The following KATNIP variants were observed in gnomAD, a reference collection of about 807,000 sequenced individuals.
KATNIP encodes the protein katanin-interacting protein.
A neutral mutation model predicts 174.0 loss-of-function variants in KATNIP; 126 were observed. The observed-to-expected ratio is 0.72, with a 90% CI of 0.63 to 0.84. The LOEUF is 0.84. KATNIP is among the 40% of genes least tolerant of loss of function. The pLI, the probability that KATNIP is intolerant of heterozygous loss-of-function variation, is 0.00. For missense variants in KATNIP, 1,958 were observed against 2,109.7 expected (o/e 0.93, Z 1.41); for synonymous variants, 810 against 835.7 (o/e 0.97, Z 0.53).
chr16:27,769,812 C>T (rs769098583), intron 20 of KATNIP, 49 bp from the exon 21 acceptor site: 35 of 1,598,626 alleles, frequency 2.2e-5, no homozygotes, highest in South Asian at 1.5e-4. Context: ...CGCTTCTGTC[C>T]CCACATGGCC....
At chr16:27,672,695 C>A (rs1252571784) in intron 6 of KATNIP, among the ~76,000 whole-genome samples, 1 of 152,188 alleles carries the variant, frequency 6.6e-6, no homozygotes, top group East Asian at 1.9e-4. Flanking sequence ...GCAGAAGTCA[C>A]AGCTATGCCA....
chr16:27,731,901 A>T (rs1031733091), intron 14 of KATNIP, among the ~76,000 whole-genome samples: 3 of 152,138 alleles, frequency 2.0e-5, no homozygotes, highest in South Asian at 2.1e-4. Flanking sequence ...GATTACAGGC[A>T]TGAGTTACTG....
At chr16:27,713,809 CAT>C (rs60005285) in intron 13 of KATNIP, among the ~76,000 whole-genome samples, 2,577 of 33,036 alleles carry the variant, frequency 0.078, 83 homozygotes, top group Non-Finnish European at 0.12. Context: ...TGTGTATATA[CAT>C]ATATATATAT....
intron 13 of KATNIP, among the ~76,000 whole-genome samples, chr16:27,721,074 C>A (rs1456232395): frequency 1.3e-5 from 2 of 152,162 alleles, no homozygotes; most frequent in Non-Finnish European, 2.9e-5. Context: ...GGCTCAGTGC[C>A]CTGGCCCTGG....
At chr16:27,759,763 A>G (rs2081884567) in intron 18 of KATNIP, among the ~76,000 whole-genome samples, 1 of 152,200 alleles carries the variant, frequency 6.6e-6, no homozygotes, top group South Asian at 2.1e-4. Context: ...CAGTGTTCAA[A>G]GCAAATCACG....
chr16:27,682,452 G>C (rs552196174), intron 8 of KATNIP, among the ~76,000 whole-genome samples: 23 of 152,196 alleles, frequency 1.5e-4, no homozygotes, highest in Non-Finnish European at 2.9e-4. Context: ...TGGCTGCCAC[G>C]TGGAGCCTGG....
intron 13 of KATNIP, among the ~76,000 whole-genome samples, chr16:27,713,840 ATATATATATATATATATC>A (rs1286416599): frequency 0.035 from 2,656 of 75,962 alleles, 165 homozygotes; most frequent in Middle Eastern, 0.049. Flanking sequence ...ATATATATAT[ATATATATATATATATATC>A]TATCTCAGAT....
intron 4 of KATNIP, 55 bp downstream of exon 4, chr16:27,628,885 G>T: frequency 6.3e-7 from 1 of 1,578,842 alleles, no homozygotes; most frequent in Non-Finnish European, 8.7e-7. Context: ...AATTAATTAG[G>T]GGCAGGGTGC....
chr16:27,595,876 G>C (rs914934818), intron 2 of KATNIP, among the ~76,000 whole-genome samples: 1 of 152,194 alleles, frequency 6.6e-6, no homozygotes, highest in Non-Finnish European at 1.5e-5. Context: ...AAGCCACGCA[G>C]ATCTCTGGGA....
At chr16:27,698,222 T>A in intron 8 of KATNIP, 106 bp from the exon 9 acceptor site, 1 of 1,184,556 alleles carries the variant, frequency 8.4e-7, no homozygotes, top group Non-Finnish European at 1.2e-6. Flanking sequence ...TTGGAGAGTA[T>A]GGGCCAGTTG....
intron 13 of KATNIP, among the ~76,000 whole-genome samples, chr16:27,713,982 A>G (rs1302377731): frequency 2.0e-5 from 3 of 150,322 alleles, no homozygotes; most frequent in African/African-American, 7.3e-5. Context: ...CCTCCGCCCC[A>G]ACTCTGTCTG....
chr16:27,751,842 A>G lies in KATNIP; in HGVS notation c.3470A>G (p.Glu1157Gly), dbSNP rs2081530674. The change falls in exon 17 of 28, where the codon GAG becomes GGG. Residue 1157 changes from glutamate (E) to glycine (G), a missense_variant. Around this residue, in one of 3 missense-constraint regions of KATNIP, gnomAD observed 1,557 missense variants for 1,617.8 expected, o/e 0.96. Coordinates refer to ENST00000261588, the MANE Select transcript of KATNIP (RefSeq NM_015202.5). ...AGCCTGGACAGCCTGCAGGATGAAG[A>G]GGCAATGAGGAGGCCCAGCACGGCC... ...VGSLDSLQDEEAMRRPSTADG... is the reference protein window; with the variant it reads ...VGSLDSLQDEGAMRRPSTADG... 1 of 1,614,016 alleles carries G rather than the reference A, an allele frequency of 6.2e-7. No homozygotes were observed. Among genetic ancestry groups the G allele is most frequent in the African/African-American group, 1.3e-5 (1 of 74,894 alleles).
chr16:27,564,742 G>A lies in KATNIP; in HGVS notation c.8-9159G>A, dbSNP rs140815224. ...AAGGGGTGTTGCAGAGCCGGTGTCT[G>A]CCTGGCTTGCTTGCTTGCTTGCTTG... On this transcript the variant is annotated intron_variant, in intron 1 of 27. Coordinates refer to ENST00000261588, the MANE Select transcript of KATNIP (RefSeq NM_015202.5). 9.5e-3 allele frequency among the ~76,000 whole-genome samples: 1,451 copies of A among 152,058 alleles called. 23 individuals carry two copies. The highest frequency in any genetic ancestry group is 0.033 in the African/African-American group (1,387 of 41,464).
intron 2 of KATNIP, among the ~76,000 whole-genome samples, chr16:27,590,344 T>C (rs972006612): frequency 4.6e-5 from 7 of 151,920 alleles, no homozygotes; most frequent in African/African-American, 1.2e-4. Context: ...TTCTTTCTTT[T>C]TTTTTTTATT....
At chr16:27,617,672 T>G (rs543174612) in intron 2 of KATNIP, among the ~76,000 whole-genome samples, 1 of 152,202 alleles carries the variant, frequency 6.6e-6, no homozygotes, top group Non-Finnish European at 1.5e-5. Flanking sequence ...GTCATAGATT[T>G]CTGTAATGAC....
chr16:27,628,137 C>G (rs114061537), intron 3 of KATNIP, among the ~76,000 whole-genome samples: 112 of 152,294 alleles, frequency 7.4e-4, no homozygotes, highest in Admixed American at 2.1e-3. Context: ...GAGAACACAT[C>G]TATTCACTGA....
intron 6 of KATNIP, among the ~76,000 whole-genome samples, chr16:27,657,310 G>A (rs1468434816): frequency 6.6e-6 from 1 of 152,062 alleles, no homozygotes; most frequent in Non-Finnish European, 1.5e-5. Context: ...AGGGTATTTG[G>A]GTGTTCATTA....
At chr16:27,598,204 A>G (rs1024777589) in intron 2 of KATNIP, among the ~76,000 whole-genome samples, 15 of 150,134 alleles carry the variant, frequency 1.0e-4, no homozygotes, top group Non-Finnish European at 2.2e-4. Context: ...ATGCGCCACC[A>G]TTGCACTGCA....
rs368603997 is a variant in KATNIP, at chr16:27,775,043, G to A, written c.4408G>A (p.Asp1470Asn). 1.4e-4 allele frequency: 220 copies of A among 1,613,300 alleles called. No individual in the cohort carries two copies. The highest frequency in any genetic ancestry group is 1.7e-4 in the Non-Finnish European group (204 of 1,179,854). ...KLIDQVNDTS[D>N]GRHMWLAPIL... ...CATCGACCAAGTGAACGACACCAGT[G>A]ATGGCCGGCACATGTGGCTGGCTCC... Residue 1470 changes from aspartate (D) to asparagine (N), a missense_variant, in exon 24 of 28, where the codon GAT (aspartate) becomes AAT (asparagine). This residue lies in a region of KATNIP where 383 missense variants were observed against 456.0 expected (regional missense o/e 0.84). Coordinates refer to ENST00000261588, the MANE Select transcript of KATNIP (RefSeq NM_015202.5).
Sources: gnomAD v4.1 joint callset for allele counts (sites outside exome capture counted in the v4.1 genomes callset) on GRCh38, gnomAD v4.1.1 for gene constraint, gnomAD v4.1.1 regional missense constraint, MANE v1.5 for transcripts, NCBI Gene and HGNC (gene_info 2026-07-23, HGNC 2026-07-21) for gene names.